Variants in TINAG observed in about 807,000 individuals in gnomAD.
TINAG encodes tubulointerstitial nephritis antigen.
In TINAG, 83 loss-of-function variants were observed where a neutral mutation model predicts 72.7. That is an observed-to-expected ratio of 1.14 (90% CI 0.96 to 1.37). The LOEUF is 1.37. TINAG is among the 40% of genes most tolerant of loss of function. The pLI, the probability that TINAG is intolerant of heterozygous loss-of-function variation, is 0.00. For synonymous variants in TINAG, 234 were observed against 189.9 expected, an observed-to-expected ratio of 1.23 and a Z score of -1.91; for missense variants, 685 against 576.6, an observed-to-expected ratio of 1.19 and a Z score of -1.93.
At chr6:54,324,648 A>G (rs1784564891) in intron 3 of TINAG, among the ~76,000 whole-genome samples, 2 of 152,168 alleles carry the variant, frequency 1.3e-5, no homozygotes, top group South Asian at 4.1e-4. Flanking sequence ...ACTTCTACCT[A>G]TTCTTAGTCA....
intron 10 of TINAG, among the ~76,000 whole-genome samples, chr6:54,387,245 G>A (rs533025443): frequency 6.6e-6 from 1 of 152,058 alleles, no homozygotes; most frequent in Non-Finnish European, 1.5e-5. Flanking sequence ...AAAATTAAAA[G>A]GATTGATAAT....
At chr6:54,318,294 C>T (rs150778944) in intron 1 of TINAG, among the ~76,000 whole-genome samples, 128 of 152,278 alleles carry the variant, frequency 8.4e-4, no homozygotes, top group Admixed American at 1.7e-3. Context: ...TAGGTTTTAT[C>T]TAAATCTAAA....
Position 54,390,037 on chromosome 6 carries a change from A to G in TINAG, c.*112A>G. ...ATCTTTGTCTCTTCACCGTGTTAACATAATCTATCTATTTTCTTATTTTCC... is the reference window on the plus strand; with the variant it reads ...ATCTTTGTCTCTTCACCGTGTTAACGTAATCTATCTATTTTCTTATTTTCC... On this transcript the variant is annotated 3_prime_UTR_variant, in exon 11 of 11. Transcript: ENST00000259782. The G allele has an allele frequency of 7.1e-7, 1 of 1,410,204 alleles. No individual in the cohort carries two copies. Among genetic ancestry groups the G allele is most frequent in the Non-Finnish European group, 9.6e-7 (1 of 1,036,916 alleles). The allele number at this position is 1,410,204 out of a possible 1,614,324, so 87.4% of individuals were successfully genotyped here. A position where few individuals can be genotyped will look rare whatever the true frequency, so the allele number is the denominator to read the frequency against.
chr6:54,354,408 C>A, intron 8 of TINAG, 105 bp from the exon 9 acceptor site: 1 of 1,025,824 alleles, frequency 9.7e-7, no homozygotes, highest in Non-Finnish European at 1.4e-6. Flanking sequence ...TTCTTAGATT[C>A]ATCTCCTTGC....
intron 3 of TINAG, among the ~76,000 whole-genome samples, chr6:54,322,648 A>G (rs1784519302): frequency 6.6e-6 from 1 of 152,150 alleles, no homozygotes; most frequent in African/African-American, 2.4e-5. Flanking sequence ...ATGTATTCAA[A>G]GTTTTTTCTT....
At chr6:54,368,275 T>C (rs1405921333) in intron 9 of TINAG, among the ~76,000 whole-genome samples, 3 of 147,768 alleles carry the variant, frequency 2.0e-5, no homozygotes, top group Non-Finnish European at 4.5e-5. Flanking sequence ...GTATTATATA[T>C]AACATATTAT....
intron 1 of TINAG, among the ~76,000 whole-genome samples, chr6:54,314,784 T>C (rs1363773379): frequency 6.6e-6 from 1 of 152,182 alleles, no homozygotes; most frequent in Non-Finnish European, 1.5e-5. Context: ...AAGTAGTTGC[T>C]ACTTCTTCAA....
intron 3 of TINAG, among the ~76,000 whole-genome samples, chr6:54,326,045 G>C (rs1784595101): frequency 6.6e-6 from 1 of 151,912 alleles, no homozygotes; most frequent in African/African-American, 2.4e-5. Context: ...ATTCAGAATA[G>C]GCAATGATTA....
rs1784736525 is a variant in TINAG, at chr6:54,331,389, CT to C, written c.624+4475del. The stretch of plus-strand genomic sequence containing the variant: ...TTATCTCAATAGATGCAGAAAAGAC[CT>C]TCGATAAAACTCAACACCCCTTCAT... On this transcript the variant is annotated intron_variant, in intron 4 of 10. Transcript: ENST00000259782. 5.3e-5 allele frequency among the ~76,000 whole-genome samples: 8 copies of C among 152,248 alleles called. No homozygotes were observed. In the South Asian group the frequency reaches 1.7e-3, roughly 32 times the overall value.
At chr6:54,321,644 G>A (rs1210101948) in intron 3 of TINAG, among the ~76,000 whole-genome samples, 1 of 152,120 alleles carries the variant, frequency 6.6e-6, no homozygotes, top group Non-Finnish European at 1.5e-5. Context: ...GGGAAGTGGA[G>A]GGAAAGCTAC....
intron 4 of TINAG, among the ~76,000 whole-genome samples, chr6:54,342,570 A>G (rs1785023345): frequency 6.6e-6 from 1 of 152,004 alleles, no homozygotes; most frequent in Admixed American, 6.6e-5. Flanking sequence ...GGTTTTCACC[A>G]TGTTGGCCAG....
chr6:54,373,292 T>C (rs1475310949), intron 9 of TINAG, among the ~76,000 whole-genome samples: 1 of 152,112 alleles, frequency 6.6e-6, no homozygotes, highest in Non-Finnish European at 1.5e-5. Flanking sequence ...CTTTCACGAT[T>C]TCTCTGTGAA....
At chr6:54,321,764 T>C (rs9370288) in intron 3 of TINAG, among the ~76,000 whole-genome samples, 59,773 of 151,966 alleles carry the variant, frequency 0.39, 14,641 homozygotes, top group Middle Eastern at 0.57. Context: ...TGCTTAGCTA[T>C]CATGGGTAGA....
intron 9 of TINAG, among the ~76,000 whole-genome samples, chr6:54,363,604 A>T (rs1434678056): frequency 6.9e-6 from 1 of 144,580 alleles, no homozygotes; most frequent in Non-Finnish European, 1.5e-5. Context: ...GAGACAAAAA[A>T]GTGCCAACGG....
intron 4 of TINAG, among the ~76,000 whole-genome samples, chr6:54,328,906 T>G (rs1254349061): frequency 6.6e-6 from 1 of 151,586 alleles, no homozygotes; most frequent in African/African-American, 2.4e-5. Flanking sequence ...AAATAAAGCA[T>G]GAAGGCAAGA....
chr6:54,352,787 T>C (rs1785297670), intron 8 of TINAG, among the ~76,000 whole-genome samples: 1 of 151,726 alleles, frequency 6.6e-6, no homozygotes, highest in Non-Finnish European at 1.5e-5. Flanking sequence ...TGAATTGTAA[T>C]TATTTAAAAT....
chr6:54,356,394 G>C (rs1460223445), intron 9 of TINAG, among the ~76,000 whole-genome samples: 3 of 151,636 alleles, frequency 2.0e-5, no homozygotes, highest in African/African-American at 7.3e-5. Flanking sequence ...AAAATTAGCT[G>C]GGCATGGTTG....
In TINAG at chr6:54,343,321, T is replaced by G. The variant is rs1582722337; in HGVS notation, c.720T>G (p.Cys240Trp). Residue 240 changes from cysteine (C) to tryptophan (W), a missense_variant, in exon 5 of 11, where the codon TGT (cysteine) becomes TGG (tryptophan). Physicochemically the swap from Cys to Trp is radical, Grantham distance 215. Transcript: ENST00000259782. ...WTHGPLDQKN[C>W]AASWAFSTAS... is the part of the protein sequence containing the mutation. Reference sequence around the variant, plus strand: ...ATGGCCCATTGGATCAAAAAAATTGTGCTGCATCCTGGGCATTTTCCACTG... The same window carrying G: ...ATGGCCCATTGGATCAAAAAAATTGGGCTGCATCCTGGGCATTTTCCACTG... 6.4e-7 allele frequency: 1 copy of G among 1,564,436 alleles called. No individual in the cohort carries two copies. The highest frequency in any genetic ancestry group is 8.7e-7 in the Non-Finnish European group (1 of 1,152,960).
chr6:54,350,988 A>G (rs1448940266), intron 7 of TINAG, among the ~76,000 whole-genome samples: 1 of 151,870 alleles, frequency 6.6e-6, no homozygotes. Flanking sequence ...TCATAGAAAT[A>G]TTTGTACTAA....
Sources: allele counts gnomAD v4.1 joint callset (sites outside exome capture counted in the v4.1 genomes callset), GRCh38; gene constraint gnomAD v4.1.1; transcripts MANE v1.5; gene names NCBI Gene and HGNC (gene_info 2026-07-23, HGNC 2026-07-21).